Variants in TMPRSS11F observed in about 807,000 individuals in gnomAD.
TMPRSS11F encodes transmembrane protease serine 11F.
A neutral mutation model predicts 60.2 loss-of-function variants in TMPRSS11F; 47 were observed. The observed-to-expected ratio is 0.78, with a 90% CI of 0.62 to 1.00. TMPRSS11F has a LOEUF of 1.00. TMPRSS11F is among the 50% of genes least tolerant of loss of function. The pLI is 0.00. For missense variants in TMPRSS11F, 519 were observed against 522.9 expected (o/e 0.99, Z 0.07); for synonymous variants, 166 against 167.3 (o/e 0.99, Z 0.06).
chr4:68,122,818 T>G (rs373538421), intron 1 of TMPRSS11F, among the ~76,000 whole-genome samples: 3 of 152,344 alleles, frequency 2.0e-5, no homozygotes, highest in Middle Eastern at 3.4e-3. Flanking sequence ...TAATGCTGCC[T>G]GAATTCCTAA....
At chr4:68,097,597 A>G (rs1284076451) in intron 2 of TMPRSS11F, among the ~76,000 whole-genome samples, 3 of 152,150 alleles carry the variant, frequency 2.0e-5, no homozygotes, top group African/African-American at 7.2e-5. Context: ...TCTAACAATT[A>G]GGACATGGAC....
At chr4:68,095,895 CAAAAAAAAAAAAA>C (rs56309846) in intron 2 of TMPRSS11F, among the ~76,000 whole-genome samples, 17 of 83,556 alleles carry the variant, frequency 2.0e-4, no homozygotes, top group Admixed American at 1.4e-3. Flanking sequence ...GATTCCATCT[CAAAAAAAAAAAAA>C]AAAAAAAAGC....
intron 8 of TMPRSS11F, among the ~76,000 whole-genome samples, chr4:68,063,709 G>A (rs570264066): frequency 6.6e-6 from 1 of 152,074 alleles, no homozygotes; most frequent in African/African-American, 2.4e-5. Flanking sequence ...GAGTGAACTA[G>A]TACCTAGAAA....
At chr4:68,055,007 C>A (rs2109823322) in intron 9 of TMPRSS11F, among the ~76,000 whole-genome samples, 1 of 152,216 alleles carries the variant, frequency 6.6e-6, no homozygotes, top group Non-Finnish European at 1.5e-5. Context: ...GAGCTGATAT[C>A]TGAAGGAAGA....
chr4:68,109,247 G>A (rs1371371973), intron 1 of TMPRSS11F, among the ~76,000 whole-genome samples: 2 of 151,932 alleles, frequency 1.3e-5, no homozygotes, highest in African/African-American at 4.8e-5. Flanking sequence ...ACAAAAGAAG[G>A]TCCAGTACTC....
chr4:68,098,321 A>C (rs1724117583), intron 2 of TMPRSS11F, among the ~76,000 whole-genome samples: 1 of 152,124 alleles, frequency 6.6e-6, no homozygotes, highest in South Asian at 2.1e-4. Flanking sequence ...AAAGAGGAAA[A>C]TACAGAAACC....
At chr4:68,077,769 T>A (rs1723614629) in intron 3 of TMPRSS11F, 2 of 152,250 alleles carry the variant, frequency 1.3e-5, no homozygotes, top group African/African-American at 4.8e-5. Context: ...ACTGCCCAGA[T>A]ATCCACAGAA....
At chr4:68,069,088 G>A (rs554816315) in intron 6 of TMPRSS11F, among the ~76,000 whole-genome samples, 7 of 152,270 alleles carry the variant, frequency 4.6e-5, no homozygotes, top group African/African-American at 1.7e-4. Flanking sequence ...CACCAAAAAT[G>A]TATAGATCCT....
At position 68,053,811 on chromosome 4, in the gene TMPRSS11F, G is replaced by T; in HGVS notation, c.*98C>A. 1 of 1,276,060 alleles carries T rather than the reference G, an allele frequency of 7.8e-7. No individual in the cohort carries two copies. Among genetic ancestry groups the T allele is most frequent in the Non-Finnish European group, 1.1e-6 (1 of 917,684 alleles). 79.0% of individuals were successfully genotyped at this position (1,276,060 alleles called of 1,614,324 possible). ...GGTCTGAAGGGCTTCTTGACATCTA[G>T]CAAAAGCACTAATCCAAAGTAAATG... On this transcript the variant is annotated 3_prime_UTR_variant, in exon 10 of 10. Coordinates refer to ENST00000356291, the MANE Select transcript of TMPRSS11F (RefSeq NM_207407.2).
rs777075387 is a variant in TMPRSS11F at position 68,064,755 on chromosome 4, T to A, written c.945A>T (p.Pro315=). 6.2e-7 allele frequency: 1 copy of A among 1,614,206 alleles called. No homozygotes were observed. The change falls in exon 8 of 10, where the codon CCA becomes CCT. Residue 315 remains proline (P), a synonymous_variant. Coordinates refer to ENST00000356291, the MANE Select transcript of TMPRSS11F (RefSeq NM_207407.2). ...TAGGTGGCAACTTTATAGATGAGTC[T>A]GGGAGGCAAACTCTCTGGACTATAT... ...FSNIVQRVCL[P]DSSIKLPPKT...
At chr4:68,058,992 A>T (rs1332902304) in intron 9 of TMPRSS11F, among the ~76,000 whole-genome samples, 6 of 152,192 alleles carry the variant, frequency 3.9e-5, no homozygotes, top group African/African-American at 1.4e-4. Flanking sequence ...CAGGGCTTGG[A>T]ATGGAAAGAA....
At chr4:68,064,614 T>A (rs1723281382) in intron 8 of TMPRSS11F, 71 bp downstream of exon 8, 1 of 1,503,008 alleles carries the variant, frequency 6.7e-7, no homozygotes, top group Non-Finnish European at 9.0e-7. Flanking sequence ...TAAGAGGGAT[T>A]CTTTAAGATA....
chr4:68,119,549 G>A (rs1038040267), intron 1 of TMPRSS11F, among the ~76,000 whole-genome samples: 7 of 152,042 alleles, frequency 4.6e-5, no homozygotes, highest in Admixed American at 2.0e-4. Flanking sequence ...AAATTCTAGG[G>A]CCCTTAAGAA....
chr4:68,061,268 G>A (rs976705149), intron 8 of TMPRSS11F, among the ~76,000 whole-genome samples: 15 of 152,070 alleles, frequency 9.9e-5, no homozygotes, highest in African/African-American at 3.6e-4. Flanking sequence ...CTGAGGAATC[G>A]TTGCATTTAT....
intron 6 of TMPRSS11F, among the ~76,000 whole-genome samples, chr4:68,069,629 A>G (rs1723408265): frequency 6.6e-6 from 1 of 152,122 alleles, no homozygotes; most frequent in Admixed American, 6.5e-5. Context: ...AAATTAAAAA[A>G]AAATTAAAGC....
In TMPRSS11F at chr4:68,076,213, G is replaced by A. The variant is rs556771095; in HGVS notation, c.283-2204C>T. On this transcript the variant is annotated intron_variant, in intron 3 of 9. Transcript: ENST00000356291. ...AAACCACTGTCCAAATAACAAGGTC[G>A]CCTTCCATGCTTAATATAAGGCATA... Among the ~76,000 whole-genome samples, 43 of 152,152 alleles carry A rather than the reference G, an allele frequency of 2.8e-4. 2 individuals are homozygous for A. In the South Asian group the frequency reaches 5.8e-3, roughly 21 times the overall value.
chr4:68,061,249 G>A (rs1425516350), intron 8 of TMPRSS11F, among the ~76,000 whole-genome samples: 2 of 152,086 alleles, frequency 1.3e-5, no homozygotes, highest in African/African-American at 4.8e-5. Context: ...AAGATCTTGC[G>A]ACACTGTTCT....
intron 5 of TMPRSS11F, among the ~76,000 whole-genome samples, chr4:68,071,148 G>A (rs1174897548): frequency 6.6e-6 from 1 of 152,116 alleles, no homozygotes; most frequent in South Asian, 2.1e-4. Context: ...TATATCATCA[G>A]GAATTGAGAT....
At chr4:68,107,038 C>T (rs1441722012) in intron 1 of TMPRSS11F, among the ~76,000 whole-genome samples, 2 of 151,610 alleles carry the variant, frequency 1.3e-5, no homozygotes, top group Non-Finnish European at 3.0e-5. Flanking sequence ...AGTAACAATA[C>T]TAAACACTTA....
Sources: gnomAD v4.1 joint callset for allele counts (sites outside exome capture counted in the v4.1 genomes callset) on GRCh38, gnomAD v4.1.1 for gene constraint, MANE v1.5 for transcripts, NCBI Gene and HGNC (gene_info 2026-07-23, HGNC 2026-07-21) for gene names.